MS4A4E: variants seen among roughly 807,000 people sequenced by gnomAD.
MS4A4E encodes the protein putative membrane-spanning 4-domains subfamily A member 4E.
A neutral mutation model predicts 13.3 loss-of-function variants in MS4A4E; 23 were observed. That is an observed-to-expected ratio of 1.73 (90% CI 1.25 to 2.45). The LOEUF (loss-of-function observed/expected upper bound fraction) is 2.45. Ranked by LOEUF, MS4A4E falls within the 30% of genes most tolerant of loss-of-function variation. MS4A4E has a pLI of 0.00. For missense variants in MS4A4E, 144 were observed against 131.2 expected (o/e 1.10, Z -0.48); for synonymous variants, 36 against 45.6 (o/e 0.79, Z 0.85).
chr11:60,241,129 T>C (rs1015850541), intron 1 of MS4A4E, among the ~76,000 whole-genome samples: 4 of 152,148 alleles, frequency 2.6e-5, no homozygotes, highest in Non-Finnish European at 5.9e-5. Context: ...GTTCACGCCA[T>C]TCTCCTGCCT....
chr11:60,213,437 C>T, intron 4 of MS4A4E: 1 of 726,932 alleles, frequency 1.4e-6, no homozygotes, highest in Non-Finnish European at 2.2e-6. Context: ...CCATTCCTTG[C>T]TTCTGGTGCC....
At chr11:60,202,075 G>A (rs1214270485) in intron 8 of MS4A4E, among the ~76,000 whole-genome samples, 196 bp from the exon 9 acceptor site, 1 of 152,160 alleles carries the variant, frequency 6.6e-6, no homozygotes, top group African/African-American at 2.4e-5. Flanking sequence ...CTTGCTCTCA[G>A]ACATGTACAT....
At chr11:60,235,149 C>T (rs1433258865) in intron 1 of MS4A4E, among the ~76,000 whole-genome samples, 1 of 152,180 alleles carries the variant, frequency 6.6e-6, no homozygotes, top group African/African-American at 2.4e-5. Flanking sequence ...GACAGGGTCT[C>T]ACTCTATCAC....
chr11:60,237,023 A>G lies in MS4A4E; in HGVS notation c.-17+5935T>C, dbSNP rs1365914166. 2.0e-5 allele frequency among the ~76,000 whole-genome samples: 3 copies of G among 152,296 alleles called. No individual in the cohort carries two copies. In the South Asian group the frequency reaches 6.2e-4, roughly 32 times the overall value. ...AGTTCTGGGATTATAGGCATGAGCC[A>G]CTGCGCCCAACCATATCACCCATGT... On this transcript the variant is annotated intron_variant, in intron 1 of 8. Coordinates refer to ENST00000651255, the MANE Select transcript of MS4A4E (RefSeq NM_001393391.1).
At chr11:60,219,765 A>C (rs537662662) in intron 3 of MS4A4E, among the ~76,000 whole-genome samples, 38 of 152,352 alleles carry the variant, frequency 2.5e-4, no homozygotes, top group Admixed American at 8.5e-4. Context: ...AAAAATGATC[A>C]GACCTTTTGG....
At chr11:60,212,555 TG>T (rs386754054) in intron 5 of MS4A4E, among the ~76,000 whole-genome samples, 13 of 152,218 alleles carry the variant, frequency 8.5e-5, no homozygotes, top group Middle Eastern at 3.4e-3. Context: ...GTGATCCGCC[TG>T]GCTCGGCCTC....
intron 3 of MS4A4E, among the ~76,000 whole-genome samples, chr11:60,215,211 T>A (rs1252024786): frequency 6.6e-6 from 1 of 151,894 alleles, no homozygotes; most frequent in Non-Finnish European, 1.5e-5. Flanking sequence ...AATTATATCC[T>A]AATATAAAGA....
At chr11:60,225,888 T>C (rs1232050575) in intron 3 of MS4A4E, among the ~76,000 whole-genome samples, 1 of 147,954 alleles carries the variant, frequency 6.8e-6, no homozygotes, top group Admixed American at 6.7e-5. Flanking sequence ...AAAAGAAAAA[T>C]ACATAAATAA....
At position 60,230,539 on chromosome 11, in the gene MS4A4E, T is replaced by C. The variant is rs115507858; in HGVS notation, c.-16-468A>G. ...CAAAGCACAGCTAAATTCTCAGGGC[T>C]GAAAATCTTCCCATGTAACCTTGTA... is the stretch of plus-strand genomic sequence containing the variant. On this transcript the variant is annotated intron_variant, in intron 1 of 8. Coordinates refer to ENST00000651255, the MANE Select transcript of MS4A4E (RefSeq NM_001393391.1). Among the ~76,000 whole-genome samples, 843 of 152,296 alleles carry C rather than the reference T, an allele frequency of 5.5e-3. 10 individuals are homozygous for C. The highest frequency in any genetic ancestry group is 0.019 in the African/African-American group (777 of 41,572).
rs1024039989 is a variant in MS4A4E at position 60,200,706 on chromosome 11, G to A, written c.*837C>T. Among the ~76,000 whole-genome samples the A allele has an allele frequency of 5.1e-3, 784 of 152,298 alleles. 3 individuals carry two copies. Among genetic ancestry groups the A allele is most frequent in the Non-Finnish European group, 7.7e-3 (521 of 68,022 alleles). On this transcript the variant is annotated 3_prime_UTR_variant, in exon 9 of 9. Coordinates refer to ENST00000651255, the MANE Select transcript of MS4A4E (RefSeq NM_001393391.1). ...TGTCTACTTCTTTCCACACAGACAA[G>A]GCAACCATCCGATTTCTCAATCTTT...
chr11:60,213,337 G>A, intron 4 of MS4A4E: 1 of 1,520,820 alleles, frequency 6.6e-7, no homozygotes. Context: ...TAATTCCTGT[G>A]AGAAGATGAG....
At chr11:60,209,678 G>A (rs1439320920) in intron 5 of MS4A4E, among the ~76,000 whole-genome samples, 2 of 152,188 alleles carry the variant, frequency 1.3e-5, no homozygotes, top group Non-Finnish European at 2.9e-5. Context: ...CTAGTCTTCA[G>A]CCAAGAAACA....
intron 3 of MS4A4E, among the ~76,000 whole-genome samples, chr11:60,216,919 C>T (rs1302481330): frequency 1.3e-5 from 2 of 152,176 alleles, no homozygotes; most frequent in Non-Finnish European, 2.9e-5. Flanking sequence ...TTTATGTATA[C>T]ATCTATCCTA....
At chr11:60,232,800 C>T (rs2084429102) in intron 1 of MS4A4E, among the ~76,000 whole-genome samples, 1 of 152,138 alleles carries the variant, frequency 6.6e-6, no homozygotes, top group South Asian at 2.1e-4. Context: ...ATCTCTGAGA[C>T]TTAACCACCA....
chr11:60,239,469 C>A (rs1418008785), intron 1 of MS4A4E, among the ~76,000 whole-genome samples: 1 of 152,176 alleles, frequency 6.6e-6, no homozygotes, highest in East Asian at 1.9e-4. Context: ...CCTGCTCCAA[C>A]CTGTCCTGTC....
In MS4A4E at chr11:60,200,539, T is replaced by C. The variant is rs943003184; in HGVS notation, c.*1004A>G. On this transcript the variant is annotated 3_prime_UTR_variant, in exon 9 of 9. Coordinates refer to ENST00000651255, the MANE Select transcript of MS4A4E (RefSeq NM_001393391.1). The stretch of plus-strand genomic sequence containing the variant: ...AGCATCTGTTTAACAAAGCACACCT[T>C]GCACCGCCCTTAATCCATTTAACCC... 1.6e-4 allele frequency among the ~76,000 whole-genome samples: 24 copies of C among 152,246 alleles called. No homozygotes were observed. Among genetic ancestry groups the C allele is most frequent in the African/African-American group, 5.8e-4 (24 of 41,568 alleles).
At chr11:60,209,262 A>G (rs890408233) in intron 5 of MS4A4E, 1 of 152,252 alleles carries the variant, frequency 6.6e-6, no homozygotes, top group African/African-American at 2.4e-5. Context: ...GTTCAAAGTA[A>G]TGACAGAATC....
rs535320104 is a variant in MS4A4E, at chr11:60,229,800, A to T, written c.144+112T>A. The T allele has an allele frequency of 3.9e-6, 4 of 1,030,716 alleles. No homozygotes were observed. The East Asian group carries it at 1.1e-4, about 29-fold the overall frequency. The allele number at this position is 1,030,716 out of a possible 1,614,324, so 63.8% of individuals were successfully genotyped here. A position where few individuals can be genotyped will look rare whatever the true frequency, so the allele number is the denominator to read the frequency against. On this transcript the variant is annotated intron_variant, in intron 2 of 8. Coordinates refer to ENST00000651255, the MANE Select transcript of MS4A4E (RefSeq NM_001393391.1). ...CCTGAAATTAAATTCTGATGTTACT[A>T]GGGCTGGTTGATGTATTATGAGGCT...
rs562667919 is a variant in MS4A4E, at chr11:60,200,823, G to T, written c.*720C>A. ...CTATTGGGTACACTTCCCAGATGGG[G>T]TGGTGGCCGGGCAGAGGGGCTCCTC... On this transcript the variant is annotated 3_prime_UTR_variant, in exon 9 of 9. Coordinates refer to ENST00000651255, the MANE Select transcript of MS4A4E (RefSeq NM_001393391.1). 1.6e-3 allele frequency among the ~76,000 whole-genome samples: 242 copies of T among 152,330 alleles called. 1 individual carries two copies. Among genetic ancestry groups the T allele is most frequent in the African/African-American group, 5.4e-3 (226 of 41,544 alleles).
Sources: gnomAD v4.1 joint callset for allele counts (sites outside exome capture counted in the v4.1 genomes callset) on GRCh38, gnomAD v4.1.1 for gene constraint, MANE v1.5 for transcripts, NCBI Gene and HGNC (gene_info 2026-07-23, HGNC 2026-07-21) for gene names.